VEPH1: variants seen among roughly 807,000 people sequenced by gnomAD.
VEPH1 encodes the protein ventricular zone expressed PH domain containing 1.
A neutral mutation model predicts 85.2 loss-of-function variants in VEPH1; 80 were observed. The ratio of observed to expected loss-of-function variants is 0.94; its 90% CI spans 0.78 to 1.13. The LOEUF (loss-of-function observed/expected upper bound fraction) is 1.13. VEPH1 is among the 50% of genes most tolerant of loss of function. The probability of loss-of-function intolerance (pLI) is 0.00; values close to 1 mark genes in which losing one functional copy is unlikely to be tolerated. For missense variants in VEPH1, 955 were observed against 980.5 expected (o/e 0.97, Z 0.35); for synonymous variants, 297 against 348.0 (o/e 0.85, Z 1.63).
At chr3:157,438,058 C>G in intron 4 of VEPH1, 1 of 755,070 alleles carries the variant, frequency 1.3e-6, no homozygotes, top group South Asian at 1.7e-5. Context: ...CACACACACA[C>G]ACACACACAC....
intron 6 of VEPH1, among the ~76,000 whole-genome samples, chr3:157,398,829 G>C (rs552327172): frequency 2.4e-4 from 37 of 152,126 alleles, no homozygotes; most frequent in South Asian, 1.0e-3. Flanking sequence ...AGCTTGCACA[G>C]TAGTTTAGAC....
At chr3:157,366,922 T>C (rs1726774566) in intron 7 of VEPH1, among the ~76,000 whole-genome samples, 1 of 152,176 alleles carries the variant, frequency 6.6e-6, no homozygotes, top group Non-Finnish European at 1.5e-5. Context: ...GTGAAGTTTT[T>C]CTGGCTGGCC....
At chr3:157,428,927 G>C (rs1376532352) in intron 4 of VEPH1, among the ~76,000 whole-genome samples, 1 of 152,178 alleles carries the variant, frequency 6.6e-6, no homozygotes, top group Non-Finnish European at 1.5e-5. Context: ...TCACATTCCT[G>C]GAAGACACAG....
At chr3:157,372,090 T>C (rs996748234) in intron 7 of VEPH1, among the ~76,000 whole-genome samples, 2 of 152,192 alleles carry the variant, frequency 1.3e-5, no homozygotes, top group African/African-American at 4.8e-5. Flanking sequence ...GCTGACTTTA[T>C]CGTCTGGGCA....
At chr3:157,276,858 T>C (rs1182229720) in intron 12 of VEPH1, among the ~76,000 whole-genome samples, 1 of 151,444 alleles carries the variant, frequency 6.6e-6, no homozygotes, top group East Asian at 1.9e-4. Flanking sequence ...TAGAGACCAA[T>C]AGGAAAAGAT....
At chr3:157,419,634 G>A (rs893981907) in intron 5 of VEPH1, among the ~76,000 whole-genome samples, 3 of 152,016 alleles carry the variant, frequency 2.0e-5, no homozygotes, top group Non-Finnish European at 4.4e-5. Context: ...GCTGTCTCAC[G>A]CCAGTCAGAA....
intron 6 of VEPH1, among the ~76,000 whole-genome samples, chr3:157,397,524 T>C (rs984579233): frequency 6.6e-6 from 1 of 152,224 alleles, no homozygotes; most frequent in Non-Finnish European, 1.5e-5. Context: ...ATGGCCATTT[T>C]CACGATATTG....
intron 9 of VEPH1, among the ~76,000 whole-genome samples, chr3:157,324,318 A>C (rs905576097): frequency 6.6e-6 from 1 of 152,118 alleles, no homozygotes; most frequent in African/African-American, 2.4e-5. Flanking sequence ...TCAGCCTCCC[A>C]AAGTTCTGGG....
chr3:157,334,535 T>A (rs1412589442), intron 9 of VEPH1, among the ~76,000 whole-genome samples: 1 of 152,222 alleles, frequency 6.6e-6, no homozygotes, highest in Non-Finnish European at 1.5e-5. Context: ...TTTGTTATCC[T>A]GCACTGGGGA....
At chr3:157,326,574 C>G (rs1237209325) in intron 9 of VEPH1, among the ~76,000 whole-genome samples, 1 of 152,094 alleles carries the variant, frequency 6.6e-6, no homozygotes, top group Non-Finnish European at 1.5e-5. Flanking sequence ...AAGAGGGTGA[C>G]AGCTTGGTCA....
At chr3:157,500,947 G>T (rs9851066) in intron 1 of VEPH1, among the ~76,000 whole-genome samples, 1 of 151,896 alleles carries the variant, frequency 6.6e-6, no homozygotes, top group Non-Finnish European at 1.5e-5. Flanking sequence ...GTTGTTGGGA[G>T]GTTTAAGGAG....
intron 6 of VEPH1, among the ~76,000 whole-genome samples, chr3:157,402,099 A>G (rs997966216): frequency 2.6e-5 from 4 of 152,218 alleles, no homozygotes; most frequent in Non-Finnish European, 4.4e-5. Flanking sequence ...CACTGTATCT[A>G]TAGTGCCTAT....
intron 7 of VEPH1, among the ~76,000 whole-genome samples, chr3:157,367,694 G>T (rs1656385176): frequency 6.6e-6 from 1 of 152,130 alleles, no homozygotes; most frequent in Admixed American, 6.5e-5. Flanking sequence ...TAAGTTTTTA[G>T]AGATGGGGGT....
At chr3:157,328,933 G>A (rs553285113) in intron 9 of VEPH1, among the ~76,000 whole-genome samples, 2 of 152,254 alleles carry the variant, frequency 1.3e-5, no homozygotes, top group South Asian at 4.1e-4. Context: ...AAGATGTCAA[G>A]TAATTTATCT....
chr3:157,474,407 T>C (rs1046823374), intron 2 of VEPH1, among the ~76,000 whole-genome samples: 6 of 152,216 alleles, frequency 3.9e-5, no homozygotes, highest in Non-Finnish European at 8.8e-5. Context: ...CCTTTTGGTT[T>C]ACATTTACCT....
At chr3:157,485,841 A>G (rs1738572860) in intron 2 of VEPH1, among the ~76,000 whole-genome samples, 1 of 152,132 alleles carries the variant, frequency 6.6e-6, no homozygotes, top group Non-Finnish European at 1.5e-5. Context: ...TTCTACTCCA[A>G]AGAAAACAGG....
At chr3:157,484,725 T>G (rs1250612277) in intron 2 of VEPH1, among the ~76,000 whole-genome samples, 1 of 152,132 alleles carries the variant, frequency 6.6e-6, no homozygotes, top group East Asian at 1.9e-4. Context: ...AGGACAGAGT[T>G]CCTGAATAAC....
chr3:157,381,506 A>T, intron 6 of VEPH1, 130 bp from the exon 7 acceptor site: 3 of 876,544 alleles, frequency 3.4e-6, no homozygotes, highest in Non-Finnish European at 3.5e-6. Context: ...CTGATCGAGA[A>T]CAGGAGTTTG....
intron 12 of VEPH1, among the ~76,000 whole-genome samples, chr3:157,272,089 G>A (rs1333923576): frequency 6.6e-6 from 1 of 151,872 alleles, no homozygotes; most frequent in African/African-American, 2.4e-5. Context: ...GTCAGAAGGA[G>A]CCAAATCAGG....
Sources: gnomAD v4.1 joint callset for allele counts (sites outside exome capture counted in the v4.1 genomes callset) on GRCh38, gnomAD v4.1.1 for gene constraint, MANE v1.5 for transcripts, NCBI Gene and HGNC (gene_info 2026-07-23, HGNC 2026-07-21) for gene names.